Variants in LAMB4 observed in about 807,000 individuals in gnomAD.
LAMB4 encodes the protein laminin subunit beta 4.
LAMB4 carries 196 observed loss-of-function variants against 199.2 expected under a neutral mutation model. That is an observed-to-expected ratio of 0.98 (90% CI 0.88 to 1.11). LAMB4 has a LOEUF of 1.11. Ranked by LOEUF, LAMB4 falls within the 50% of genes least tolerant of loss-of-function variation. The pLI is 0.00. For missense variants in LAMB4, 2,080 were observed against 2,171.2 expected (o/e 0.96, Z 0.83); for synonymous variants, 744 against 770.6 (o/e 0.97, Z 0.57).
At chr7:108,080,727 G>A (rs1022316652) in intron 14 of LAMB4, among the ~76,000 whole-genome samples, 1 of 151,934 alleles carries the variant, frequency 6.6e-6, no homozygotes, top group Non-Finnish European at 1.5e-5. Flanking sequence ...ATCTGAGGCA[G>A]AAATGTAAAT....
At chr7:108,033,674 G>A (rs886318720) in intron 31 of LAMB4, among the ~76,000 whole-genome samples, 2 of 151,402 alleles carry the variant, frequency 1.3e-5, no homozygotes, top group Non-Finnish European at 2.9e-5. Flanking sequence ...CTCCCAAAGT[G>A]CTGGGATTAC....
chr7:108,064,570 G>T (rs117276128), intron 21 of LAMB4, among the ~76,000 whole-genome samples: 249 of 152,208 alleles, frequency 1.6e-3, no homozygotes, highest in Non-Finnish European at 2.3e-3. Context: ...GGCTTTTTAG[G>T]TGCCCAAACT....
At chr7:108,022,907 G>A (rs1488725666), downstream of LAMB4, among the ~76,000 whole-genome samples, 1 of 152,072 alleles carries the variant, frequency 6.6e-6, no homozygotes, top group Non-Finnish European at 1.5e-5. Context: ...CTTCCTCCTG[G>A]ATTTAAGCTA....
Position 108,062,808 on chromosome 7 carries a change from TCA to T in LAMB4, c.3246_3247del (p.Cys1082Ter). 6.6e-7 allele frequency: 1 copy of T among 1,516,950 alleles called. No individual in the cohort carries two copies. The highest frequency in any genetic ancestry group is 8.8e-7 in the Non-Finnish European group (1 of 1,131,558). The allele number at this position is 1,516,950 out of a possible 1,614,324, so 94.0% of individuals were successfully genotyped here. A position where few individuals can be genotyped will look rare whatever the true frequency, so the allele number is the denominator to read the frequency against. ...GTGGCTACTTTGAGAGGTCCTAGGG[TCA>T]CAGTCACATGACTGACATCCTCTGC... On this transcript the variant is annotated stop_gained and frameshift_variant, in exon 23 of 34. Transcript: ENST00000388781. LOFTEE classifies it high-confidence loss of function.
chr7:108,098,812 C>T (rs1052725169), intron 10 of LAMB4, among the ~76,000 whole-genome samples: 1 of 152,054 alleles, frequency 6.6e-6, no homozygotes, highest in Admixed American at 6.6e-5. Flanking sequence ...TTAAATGATT[C>T]GAAAGTCAGA....
chr7:108,078,703 A>G (rs910391350), intron 15 of LAMB4, among the ~76,000 whole-genome samples: 1 of 152,230 alleles, frequency 6.6e-6, no homozygotes, highest in East Asian at 1.9e-4. Context: ...TATGCAAATT[A>G]GCTTTATTCT....
chr7:108,100,498 C>T (rs1270085777), intron 10 of LAMB4, among the ~76,000 whole-genome samples: 2 of 152,146 alleles, frequency 1.3e-5, no homozygotes, highest in African/African-American at 2.4e-5. Context: ...TAGTTTGTTA[C>T]AAGCTCCTCA....
chr7:108,123,317 CCA>C (rs10551113), intron 1 of LAMB4, 120 bp from the exon 2 acceptor site: 9,271 of 547,008 alleles, frequency 0.017, 602 homozygotes, highest in African/African-American at 0.14. Flanking sequence ...TACGAAATAA[CCA>C]CACTGTCCAG....
At chr7:108,115,070 G>A (rs555341248) in intron 3 of LAMB4, among the ~76,000 whole-genome samples, 2 of 152,278 alleles carry the variant, frequency 1.3e-5, no homozygotes, top group East Asian at 3.9e-4. Context: ...ATGGCAGCAG[G>A]CCCTGATGAA....
At chr7:108,110,475 G>T (rs551453116) in intron 4 of LAMB4, among the ~76,000 whole-genome samples, 2 of 152,314 alleles carry the variant, frequency 1.3e-5, no homozygotes, top group South Asian at 4.1e-4. Context: ...GACGAAAGCG[G>T]CTGGACTACA....
At chr7:108,111,387 C>A (rs1272428586) in intron 4 of LAMB4, among the ~76,000 whole-genome samples, 4 of 152,246 alleles carry the variant, frequency 2.6e-5, no homozygotes, top group African/African-American at 9.6e-5. Flanking sequence ...GTTCTTTTCT[C>A]TTTCCCTTCA....
At chr7:108,102,915 A>G (rs2037863030) in intron 10 of LAMB4, 129 bp downstream of exon 10, 3 of 661,324 alleles carry the variant, frequency 4.5e-6, no homozygotes, top group Non-Finnish European at 7.0e-6. Flanking sequence ...TATTTTTGCA[A>G]TCCTCCACTC....
chr7:108,122,016 C>A (rs928617602), intron 2 of LAMB4, among the ~76,000 whole-genome samples: 10 of 152,138 alleles, frequency 6.6e-5, no homozygotes, highest in African/African-American at 2.2e-4. Context: ...AAGGTCAGGG[C>A]AAGCTTATAT....
chr7:108,034,011 T>A (rs940617144), intron 31 of LAMB4, among the ~76,000 whole-genome samples, 197 bp downstream of exon 31: 4 of 152,112 alleles, frequency 2.6e-5, no homozygotes, highest in African/African-American at 9.7e-5. Context: ...AACCCCAGAA[T>A]TGGTCGCAAT....
At chr7:108,076,280 T>A (rs1174919918) in intron 17 of LAMB4, among the ~76,000 whole-genome samples, 1 of 152,160 alleles carries the variant, frequency 6.6e-6, no homozygotes, top group Non-Finnish European at 1.5e-5. Context: ...AGCCTGGGTC[T>A]GAAGGGCTGC....
intron 2 of LAMB4, among the ~76,000 whole-genome samples, chr7:108,118,701 A>G (rs112550220): frequency 6.6e-6 from 1 of 152,130 alleles, no homozygotes; most frequent in East Asian, 1.9e-4. Flanking sequence ...CATATAAAAC[A>G]TAGGAGAAAA....
intron 28 of LAMB4, among the ~76,000 whole-genome samples, chr7:108,047,055 C>T (rs2035651858): frequency 1.3e-5 from 2 of 152,018 alleles, no homozygotes; most frequent in African/African-American, 4.8e-5. Context: ...GCGTGACCCA[C>T]TACTCCTGGC....
chr7:108,016,749 T>G, the LAMB4 span, among the ~76,000 whole-genome samples: 1 of 152,362 alleles, frequency 6.6e-6, no homozygotes, highest in African/African-American at 2.4e-5. Context: ...AGGTAATATC[T>G]TCAGCTAGTA....
chr7:108,048,730 T>G (rs1035372393), intron 27 of LAMB4, among the ~76,000 whole-genome samples: 1 of 152,182 alleles, frequency 6.6e-6, no homozygotes, highest in Non-Finnish European at 1.5e-5. Flanking sequence ...TCTCGCTCTC[T>G]CGCCCAGGCT....
Sources: gnomAD v4.1 joint callset for allele counts (sites outside exome capture counted in the v4.1 genomes callset) on GRCh38, gnomAD v4.1.1 for gene constraint, MANE v1.5 for transcripts, NCBI Gene and HGNC (gene_info 2026-07-23, HGNC 2026-07-21) for gene names.